Variants in NLRP14 observed in about 807,000 individuals in gnomAD.
NLRP14 encodes the protein NLR family pyrin domain containing 14.
A neutral mutation model predicts 94.7 loss-of-function variants in NLRP14; 105 were observed. The observed-to-expected ratio is 1.11, with a 90% CI of 0.95 to 1.30. The LOEUF is 1.30. Ranked by LOEUF, NLRP14 falls within the 50% of genes most tolerant of loss-of-function variation. The pLI is 0.00. For synonymous variants in NLRP14, 508 were observed against 459.9 expected (o/e 1.10, Z -1.34); for missense variants, 1,362 against 1,254.1 (o/e 1.09, Z -1.30).
At chr11:7,089,653 G>A in the NLRP14 span, 21 of 1,390,142 alleles carry the variant, frequency 1.5e-5, no homozygotes, top group Admixed American at 3.3e-5. Flanking sequence ...GGTGGAATGC[G>A]CGGGAGGGCC....
At chr11:7,090,031 G>A in the NLRP14 span, 3 of 1,613,216 alleles carry the variant, frequency 1.9e-6, no homozygotes, top group East Asian at 2.2e-5. Flanking sequence ...TCTTACGGAG[G>A]AGGAGGCCGC....
At chr11:7,088,306 C>A in the NLRP14 span, among the ~76,000 whole-genome samples, 1 of 151,882 alleles carries the variant, frequency 6.6e-6, no homozygotes. Flanking sequence ...AATACATGGT[C>A]CAAAAAGGAA....
At position 7,020,535 on chromosome 11, in the gene NLRP14, C is replaced by G. The variant is rs1316252997; in HGVS notation, c.-257C>G. The G allele has an allele frequency of 6.6e-6, 1 of 152,302 alleles. No homozygotes were observed. The highest frequency in any genetic ancestry group is 1.5e-5 in the Non-Finnish European group (1 of 68,112). The allele number at this position is 152,302 out of a possible 1,614,324, so 9.4% of individuals were successfully genotyped here. On this transcript the variant is annotated 5_prime_UTR_variant, in exon 1 of 12. Transcript: ENST00000299481. The stretch of plus-strand genomic sequence containing the variant: ...GGGGGATAAGGCGAGGACGCACCAG[C>G]ATTAATGGAATAGGAGAACTCCCGA...
chr11:7,059,858 A>G, intron 8 of NLRP14, 36 bp from the exon 9 acceptor site: 1 of 1,570,380 alleles, frequency 6.4e-7, no homozygotes, highest in South Asian at 1.1e-5. Flanking sequence ...CAGTAGAGCA[A>G]TGATTCCATC....
Position 7,057,842 on chromosome 11 carries a change from A to T in NLRP14, c.2457A>T (p.Arg819Ser). The change falls in exon 7 of 12, where the codon AGA becomes AGT. Residue 819 changes from arginine (R) to serine (S), a missense_variant. Physicochemically the swap from Arg to Ser is moderately radical, Grantham distance 110. Transcript: ENST00000299481. ...ALRHPKCYLE[R>S]LSLESCGLTE... ...GACATCCAAAGTGTTATCTAGAGAGACTGTCGTGAGTGTTTCTGTTTTGTT... is the reference window on the plus strand; with the variant it reads ...GACATCCAAAGTGTTATCTAGAGAGTCTGTCGTGAGTGTTTCTGTTTTGTT... The T allele has an allele frequency of 6.2e-7, 1 of 1,611,426 alleles. No homozygotes were observed. Among genetic ancestry groups the T allele is most frequent in the South Asian group, 1.1e-5 (1 of 91,034 alleles).
At chr11:7,089,748 C>T in the NLRP14 span, 4 of 1,556,782 alleles carry the variant, frequency 2.6e-6, no homozygotes, top group South Asian at 3.5e-5. Flanking sequence ...CCTGGGCCCG[C>T]GGGATGAGGG....
In NLRP14 at chr11:7,070,221, C is replaced by A. The variant is rs1036631140; in HGVS notation, c.2976-65C>A. Reference sequence around the variant, plus strand: ...TATCCTCCATTCTGAGTTCACAGATCTCTTGTGGGCTTTGTTGTGTCATCG... The same window carrying A: ...TATCCTCCATTCTGAGTTCACAGATATCTTGTGGGCTTTGTTGTGTCATCG... On this transcript the variant is annotated intron_variant, in intron 10 of 11. Coordinates refer to ENST00000299481, the MANE Select transcript of NLRP14 (RefSeq NM_176822.4). 9.4e-6 allele frequency: 11 copies of A among 1,170,248 alleles called. No homozygotes were observed. In the Admixed American group the frequency reaches 1.5e-4, roughly 16 times the overall value. 72.5% of individuals were successfully genotyped at this position (1,170,248 alleles called of 1,614,324 possible).
chr11:7,034,725 C>T (rs1439405429), intron 1 of NLRP14, among the ~76,000 whole-genome samples: 2 of 152,148 alleles, frequency 1.3e-5, no homozygotes, highest in Non-Finnish European at 2.9e-5. Context: ...TGGTAAGTCC[C>T]TTCTTTCCTA....
intron 10 of NLRP14, 70 bp from the exon 11 acceptor site, chr11:7,070,216 C>G: frequency 8.8e-7 from 1 of 1,131,686 alleles, no homozygotes; most frequent in East Asian, 2.3e-5. Context: ...TCTGAGTTCA[C>G]AGATCTCTTG....
intron 1 of NLRP14, among the ~76,000 whole-genome samples, chr11:7,036,358 A>G (rs79185014): frequency 0.035 from 5,331 of 152,308 alleles, 153 homozygotes; most frequent in East Asian, 0.13. Flanking sequence ...AGGAGACTAT[A>G]GTATATTCTA....
At chr11:7,035,555 A>G (rs909027161) in intron 1 of NLRP14, among the ~76,000 whole-genome samples, 6 of 152,234 alleles carry the variant, frequency 3.9e-5, no homozygotes, top group Non-Finnish European at 5.9e-5. Flanking sequence ...TATCCAGCCT[A>G]AAATGTCAGT....
intron 9 of NLRP14, among the ~76,000 whole-genome samples, chr11:7,061,003 A>T (rs1196817159): frequency 6.6e-6 from 1 of 152,016 alleles, no homozygotes; most frequent in Non-Finnish European, 1.5e-5. Context: ...ACCTCAGCTC[A>T]CTTTCCTACC....
At position 7,046,684 on chromosome 11, in the gene NLRP14, A is replaced by G. The variant is rs148096577; in HGVS notation, c.1975A>G (p.Thr659Ala). The G allele has an allele frequency of 6.2e-7, 1 of 1,613,690 alleles. No homozygotes were observed. The highest frequency in any genetic ancestry group is 8.5e-7 in the Non-Finnish European group (1 of 1,179,580). ...PTNTWDGDRI[T>A]HCWQDLCSVL... ...TATGCAAAGGGATGGTGATCGCATT[A>G]CTCACTGTTGGCAAGATCTCTGTTC... The change falls in exon 5 of 12, where the codon ACT becomes GCT. Residue 659 changes from threonine to alanine, a missense_variant. By Grantham distance (58) the Thr-to-Ala change is moderately conservative. Transcript: ENST00000299481.
At chr11:7,084,267 T>C in the NLRP14 span, among the ~76,000 whole-genome samples, 4 of 152,210 alleles carry the variant, frequency 2.6e-5, no homozygotes, top group Non-Finnish European at 5.9e-5. Flanking sequence ...AGTGTATTCC[T>C]ATTTTGACAT....
intron 10 of NLRP14, among the ~76,000 whole-genome samples, chr11:7,069,199 T>G (rs1050155246): frequency 9.9e-5 from 15 of 152,214 alleles, no homozygotes; most frequent in Non-Finnish European, 1.8e-4. Context: ...TTACGATGCT[T>G]TTTCCCCTAA....
chr11:7,060,682 A>G (rs924240300), intron 9 of NLRP14, among the ~76,000 whole-genome samples: 9 of 152,016 alleles, frequency 5.9e-5, no homozygotes, highest in Admixed American at 5.3e-4. Context: ...TATCCTACAC[A>G]TTTTTAAACT....
At chr11:7,074,327 T>C (rs1852846018), downstream of NLRP14, among the ~76,000 whole-genome samples, 1 of 152,244 alleles carries the variant, frequency 6.6e-6, no homozygotes, top group Non-Finnish European at 1.5e-5. Flanking sequence ...GAGGTGGCTT[T>C]ACTGAGGTTG....
the NLRP14 span, among the ~76,000 whole-genome samples, chr11:7,082,411 A>T: frequency 1.3e-5 from 2 of 152,208 alleles, no homozygotes; most frequent in African/African-American, 4.8e-5. Context: ...CTTAATAATT[A>T]GTTCAGTCTA....
At chr11:7,031,605 C>T (rs1459017179) in intron 1 of NLRP14, among the ~76,000 whole-genome samples, 3 of 152,110 alleles carry the variant, frequency 2.0e-5, no homozygotes, top group African/African-American at 7.2e-5. Flanking sequence ...TGGATTAAAG[C>T]GGTATGAATA....
Sources: allele counts gnomAD v4.1 joint callset (sites outside exome capture counted in the v4.1 genomes callset), GRCh38; gene constraint gnomAD v4.1.1; transcripts MANE v1.5; gene names NCBI Gene and HGNC (gene_info 2026-07-23, HGNC 2026-07-21).